COL23A1: variants seen among roughly 807,000 people sequenced by gnomAD.
COL23A1 encodes the protein collagen alpha-1(XXIII) chain.
COL23A1 carries 97 observed loss-of-function variants against 99.3 expected under a neutral mutation model. That is an observed-to-expected ratio of 0.98 (90% CI 0.83 to 1.16). COL23A1 has a LOEUF of 1.16. COL23A1 is among the 50% of genes most tolerant of loss of function. The pLI is 0.00. For synonymous variants in COL23A1, 320 were observed against 308.2 expected (o/e 1.04, Z -0.40); for missense variants, 762 against 757.4 (o/e 1.01, Z -0.07).
At chr5:178,320,355 G>A (rs535540796) in intron 2 of COL23A1, among the ~76,000 whole-genome samples, 17 of 152,158 alleles carry the variant, frequency 1.1e-4, no homozygotes, top group Non-Finnish European at 2.2e-4. Context: ...CACCTGAATC[G>A]GGAAGAAGTG....
rs182826312 is a variant in COL23A1 at position 178,424,731 on chromosome 5, T to C, written c.362-117812A>G. 1.1e-3 allele frequency among the ~76,000 whole-genome samples: 167 copies of C among 152,332 alleles called. 1 individual carries two copies. The highest frequency in any genetic ancestry group is 3.8e-3 in the African/African-American group (159 of 41,570). ...TGGCTCAGGGTCTGACAGCACTAGC[T>C]GGGCCGCCCTGGCAAGTTATTTATC... On this transcript the variant is annotated intron_variant, in intron 2 of 28. Coordinates refer to ENST00000390654, the MANE Select transcript of COL23A1 (RefSeq NM_173465.4).
chr5:178,487,193 C>G (rs774228077), intron 2 of COL23A1, among the ~76,000 whole-genome samples: 14 of 152,132 alleles, frequency 9.2e-5, no homozygotes, highest in Admixed American at 2.6e-4. Flanking sequence ...CAGGCTGGGG[C>G]CAGGTCCAAG....
intron 2 of COL23A1, among the ~76,000 whole-genome samples, chr5:178,436,144 T>C (rs1266762133): frequency 6.6e-6 from 1 of 152,058 alleles, no homozygotes; most frequent in Non-Finnish European, 1.5e-5. Flanking sequence ...GAGGTCAACA[T>C]GAGCAAAATG....
At chr5:178,261,007 C>T (rs199836482) in intron 11 of COL23A1, among the ~76,000 whole-genome samples, 1 of 98,974 alleles carries the variant, frequency 1.0e-5, no homozygotes, top group South Asian at 2.5e-4. Flanking sequence ...GGTCTGTCCA[C>T]ACAGGTGGGT....
intron 12 of COL23A1, among the ~76,000 whole-genome samples, chr5:178,259,130 A>T (rs1475096145): frequency 6.6e-6 from 1 of 152,070 alleles, no homozygotes; most frequent in East Asian, 1.9e-4. Flanking sequence ...CATGTTGGCC[A>T]GGCTGGTCTT....
At chr5:178,462,733 A>G (rs1210227313) in intron 2 of COL23A1, among the ~76,000 whole-genome samples, 1 of 152,250 alleles carries the variant, frequency 6.6e-6, no homozygotes, top group Non-Finnish European at 1.5e-5. Flanking sequence ...AACAAATTTA[A>G]CTACAAATTA....
intron 2 of COL23A1, among the ~76,000 whole-genome samples, chr5:178,501,824 AGC>A (rs1309287279): frequency 1.3e-5 from 2 of 152,182 alleles, no homozygotes; most frequent in Non-Finnish European, 2.9e-5. Flanking sequence ...ACTCCCACCC[AGC>A]CAGCCCAGCA....
chr5:178,288,931 T>G (rs143461842), intron 4 of COL23A1, among the ~76,000 whole-genome samples: 1 of 152,250 alleles, frequency 6.6e-6, no homozygotes, highest in East Asian at 1.9e-4. Flanking sequence ...GCTTGAGAAT[T>G]TCTGCATTTG....
At chr5:178,418,282 C>T (rs926103858) in intron 2 of COL23A1, among the ~76,000 whole-genome samples, 3 of 152,200 alleles carry the variant, frequency 2.0e-5, no homozygotes, top group Admixed American at 1.3e-4. Context: ...CTTATTATTA[C>T]TACCATCAGG....
intron 2 of COL23A1, among the ~76,000 whole-genome samples, chr5:178,538,311 T>A (rs1263820169): frequency 6.6e-6 from 1 of 152,220 alleles, no homozygotes; most frequent in Non-Finnish European, 1.5e-5. Flanking sequence ...CTTGTTTTTT[T>A]ATCTTTCTAA....
At chr5:178,358,171 GTA>G (rs971752104) in intron 2 of COL23A1, among the ~76,000 whole-genome samples, 4 of 148,490 alleles carry the variant, frequency 2.7e-5, no homozygotes, top group Admixed American at 1.3e-4. Flanking sequence ...TGTCTAATGT[GTA>G]TGTGTATGTA....
intron 2 of COL23A1, among the ~76,000 whole-genome samples, chr5:178,485,979 T>C (rs1757607431): frequency 6.6e-6 from 1 of 152,080 alleles, no homozygotes. Context: ...CAAATACAAA[T>C]TGCATATTCC....
At chr5:178,442,304 G>A (rs1766916505) in intron 2 of COL23A1, among the ~76,000 whole-genome samples, 1 of 152,180 alleles carries the variant, frequency 6.6e-6, no homozygotes, top group Admixed American at 6.5e-5. Flanking sequence ...AATTCCATGA[G>A]GAAAATTGCC....
rs1231010983 is a variant in COL23A1 at position 178,439,208 on chromosome 5, T to C, written c.361+121474A>G. On this transcript the variant is annotated intron_variant, in intron 2 of 28. Coordinates refer to ENST00000390654, the MANE Select transcript of COL23A1 (RefSeq NM_173465.4). The surrounding 1 kb of genome is among the most constrained non-coding windows in gnomAD (Gnocchi z 4.2). Reference sequence around the variant, plus strand: ...CCTTCTGAAGGGATGTGACTGCTGATCTGGCCATGCATGATGCATGGACAG... The same window carrying C: ...CCTTCTGAAGGGATGTGACTGCTGACCTGGCCATGCATGATGCATGGACAG... 6.6e-6 allele frequency: 1 copy of C among 152,210 alleles called. No individual in the cohort carries two copies. The highest frequency in any genetic ancestry group is 1.5e-5 in the Non-Finnish European group (1 of 68,042). 9.4% of individuals were successfully genotyped at this position (152,210 alleles called of 1,614,324 possible).
intron 2 of COL23A1, among the ~76,000 whole-genome samples, chr5:178,488,682 A>T (rs957176496): frequency 1.6e-5 from 2 of 121,574 alleles, no homozygotes; most frequent in Non-Finnish European, 3.1e-5. Context: ...ATGACTCTTT[A>T]AAAAAAAAAA....
intron 2 of COL23A1, among the ~76,000 whole-genome samples, chr5:178,469,799 C>T (rs1756643418): frequency 6.6e-6 from 1 of 152,094 alleles, no homozygotes; most frequent in Admixed American, 6.5e-5. Flanking sequence ...GGTGGCCATT[C>T]CCCCTGAAAG....
chr5:178,512,301 G>C (rs1243436809), intron 2 of COL23A1, among the ~76,000 whole-genome samples: 3 of 152,198 alleles, frequency 2.0e-5, no homozygotes, highest in Non-Finnish European at 4.4e-5. Flanking sequence ...GTGCAATAAT[G>C]TTTACTGTGT....
Position 178,263,266 on chromosome 5 carries a change from G to A in COL23A1, c.581C>T (p.Ala194Val). The change falls in exon 9 of 29, where the codon GCC becomes GTC. Residue 194 changes from alanine to valine, a missense_variant. Transcript: ENST00000390654. Reference protein sequence around the residue: ...GPPGPPGPPGARGPPGDTGKD... With the variant: ...GPPGPPGPPGVRGPPGDTGKD... ...CCCAGTGTCGCCAGGAGGGCCCCGG[G>A]CCCCAGGAGGTCCAGGGGGCCCCGG... 1.2e-6 allele frequency: 2 copies of A among 1,613,204 alleles called. No homozygotes were observed. The highest frequency in any genetic ancestry group is 1.7e-6 in the Non-Finnish European group (2 of 1,179,744).
intron 2 of COL23A1, among the ~76,000 whole-genome samples, chr5:178,528,011 G>A (rs1426071137): frequency 1.3e-5 from 2 of 152,156 alleles, no homozygotes; most frequent in African/African-American, 4.8e-5. Flanking sequence ...CACATTCAAG[G>A]GGAAGGCCTA....
Sources: gnomAD v4.1 joint callset for allele counts (sites outside exome capture counted in the v4.1 genomes callset) on GRCh38, gnomAD v4.1.1 for gene constraint, Gnocchi (gnomAD v3.1) non-coding constraint, MANE v1.5 for transcripts, NCBI Gene and HGNC (gene_info 2026-07-23, HGNC 2026-07-21) for gene names.